USP32: variants seen among roughly 807,000 people sequenced by gnomAD.
USP32 encodes ubiquitin carboxyl-terminal hydrolase 32.
In USP32, 59 loss-of-function variants were observed where a neutral mutation model predicts 204.8. That is an observed-to-expected ratio of 0.29 (90% CI 0.23 to 0.36). The LOEUF (loss-of-function observed/expected upper bound fraction) is 0.36. USP32 is among the 10% of genes least tolerant of loss of function. The probability of loss-of-function intolerance (pLI) is 1.00; values close to 1 mark genes in which losing one functional copy is unlikely to be tolerated. For missense variants in USP32, 1,160 were observed against 1,946.4 expected (o/e 0.60, Z 7.60); for synonymous variants, 517 against 678.4 (o/e 0.76, Z 3.70).
chr17:60,198,547 C>T (rs2084587360), intron 26 of USP32, 103 bp from the exon 27 acceptor site: 1 of 1,353,454 alleles, frequency 7.4e-7, no homozygotes, highest in Non-Finnish European at 1.0e-6. Flanking sequence ...ATCACCATTT[C>T]AAATCAGTCA....
intron 1 of USP32, among the ~76,000 whole-genome samples, chr17:60,361,206 T>G (rs2089200101): frequency 6.6e-6 from 1 of 151,984 alleles, no homozygotes; most frequent in African/African-American, 2.4e-5. Flanking sequence ...CCTACTTACT[T>G]CCTCCCCTCA....
intron 1 of USP32, among the ~76,000 whole-genome samples, chr17:60,378,493 AC>A (rs1480210302): frequency 6.6e-6 from 1 of 152,184 alleles, no homozygotes; most frequent in Admixed American, 6.5e-5. Flanking sequence ...ATATTTGTAC[AC>A]CAATGTTCAC....
intron 2 of USP32, among the ~76,000 whole-genome samples, chr17:60,325,166 C>G (rs1567852908): frequency 6.6e-6 from 1 of 152,202 alleles, no homozygotes; most frequent in East Asian, 1.9e-4. Flanking sequence ...GTAATCCCAG[C>G]ATTTTGGGAG....
In USP32 at chr17:60,360,302, C is replaced by T. The variant is rs143162869; in HGVS notation, c.59-14694G>A. 4.6e-3 allele frequency among the ~76,000 whole-genome samples: 705 copies of T among 152,152 alleles called. 10 individuals are homozygous for T. Among genetic ancestry groups the T allele is most frequent in the African/African-American group, 0.015 (621 of 41,524 alleles). ...CAGCCTGGCCACCATGGCAAAACCC[C>T]GTCTCTACTAAAAATACAAAAATTA... On this transcript the variant is annotated intron_variant, in intron 1 of 33. Coordinates refer to ENST00000300896, the MANE Select transcript of USP32 (RefSeq NM_032582.4).
rs1018176786 is a variant in USP32 at position 60,228,501 on chromosome 17, C to CT, written c.1240-2271dup. On this transcript the variant is annotated intron_variant, in intron 12 of 33. Transcript: ENST00000300896. Reference sequence around the variant, plus strand: ...TAAATTAGGTTTCTTTTTTCTTTTTCTTTTTTTTTTTTTTTTTAATTAAAA... The same window carrying CT: ...TAAATTAGGTTTCTTTTTTCTTTTTCTTTTTTTTTTTTTTTTTTAATTAAAA... 8.1e-3 allele frequency among the ~76,000 whole-genome samples: 843 copies of CT among 104,094 alleles called. 4 individuals carry two copies. The highest frequency in any genetic ancestry group is 9.7e-3 in the Middle Eastern group (2 of 206). The allele number at this position is 104,094 out of a possible 152,430, so 68.3% of individuals were successfully genotyped here. A position where few individuals can be genotyped will look rare whatever the true frequency, so the allele number is the denominator to read the frequency against.
At chr17:60,190,709 A>C in intron 28 of USP32, 26 bp from the exon 29 acceptor site, 2 of 1,576,472 alleles carry the variant, frequency 1.3e-6, no homozygotes, top group Non-Finnish European at 1.7e-6. Context: ...AGATCCACAG[A>C]GGAAGAAATA....
chr17:60,413,209 T>A (rs899967744), intron 1 of USP32, among the ~76,000 whole-genome samples: 2 of 152,182 alleles, frequency 1.3e-5, no homozygotes, highest in African/African-American at 4.8e-5. Context: ...GTGTTCTGTA[T>A]CCTGCCAGTG....
At chr17:60,403,623 CTTAG>C (rs919689973) in intron 1 of USP32, among the ~76,000 whole-genome samples, 11 of 152,118 alleles carry the variant, frequency 7.2e-5, no homozygotes, top group African/African-American at 2.2e-4. Context: ...AACACCTGCT[CTTAG>C]TTAGTATACA....
Position 60,382,158 on chromosome 17 carries a change from C to G in USP32, c.58+9724G>C, listed in dbSNP as rs183302435. Among the ~76,000 whole-genome samples, 120 of 152,218 alleles carry G rather than the reference C, an allele frequency of 7.9e-4. 1 individual carries two copies. The highest frequency in any genetic ancestry group is 9.4e-4 in the Non-Finnish European group (64 of 68,032). On this transcript the variant is annotated intron_variant, in intron 1 of 33. Transcript: ENST00000300896. ...GCAAACTGCCATGTATCTTTCCCCT[C>G]GAACTACCTGCCTTGCCAGATCCTT...
At chr17:60,345,968 C>A (rs531053773) in intron 1 of USP32, among the ~76,000 whole-genome samples, 1 of 150,154 alleles carries the variant, frequency 6.7e-6, no homozygotes, top group Admixed American at 6.6e-5. Flanking sequence ...GACAACAGAG[C>A]GAAACTCTGT....
intron 13 of USP32, among the ~76,000 whole-genome samples, chr17:60,225,370 T>C (rs1029075367): frequency 6.6e-6 from 1 of 151,980 alleles, no homozygotes; most frequent in Non-Finnish European, 1.5e-5. Flanking sequence ...GGTGGGAGAA[T>C]TGCTTGGGGC....
At chr17:60,306,630 T>C (rs2087730658) in intron 2 of USP32, among the ~76,000 whole-genome samples, 1 of 150,198 alleles carries the variant, frequency 6.7e-6, no homozygotes, top group Non-Finnish European at 1.5e-5. Flanking sequence ...AGAGCAAGAC[T>C]CCGTCTCGAA....
intron 1 of USP32, among the ~76,000 whole-genome samples, chr17:60,354,061 G>T (rs1013135968): frequency 6.6e-6 from 1 of 152,148 alleles, no homozygotes; most frequent in African/African-American, 2.4e-5. Flanking sequence ...TGAAATGCAT[G>T]AAATTAAATC....
intron 5 of USP32, among the ~76,000 whole-genome samples, chr17:60,274,090 A>G (rs947704069): frequency 2.0e-5 from 3 of 152,076 alleles, no homozygotes; most frequent in East Asian, 3.8e-4. Context: ...AAACATGCCT[A>G]TACTAAGGAA....
chr17:60,324,304 T>A (rs921477089), intron 2 of USP32, among the ~76,000 whole-genome samples: 2 of 144,876 alleles, frequency 1.4e-5, no homozygotes, highest in South Asian at 4.3e-4. Flanking sequence ...ATATATATAT[T>A]TTAATTAAAA....
chr17:60,226,207 G>C lies in USP32; in HGVS notation c.1264C>G (p.Pro422Ala), dbSNP rs1278146754. ...KYDANPVVIE[P>A]SSVLNGGKYS... ...TTTCCTCCATTCAAAACAGATGATG[G>C]CTCAATTACCACAGGGTTGGCATCC... The change falls in exon 13 of 34, where the codon CCA becomes GCA. Residue 422 changes from proline (P) to alanine (A), a missense_variant. Transcript: ENST00000300896. 4 of 1,556,240 alleles carry C rather than the reference G, an allele frequency of 2.6e-6. No homozygotes were observed. Among genetic ancestry groups the C allele is most frequent in the Non-Finnish European group, 3.5e-6 (4 of 1,158,990 alleles).
chr17:60,236,227 G>T lies in USP32; in HGVS notation c.1150C>A (p.Arg384=). The change falls in exon 12 of 34, where the codon CGA becomes AGA. Residue 384 remains arginine, a synonymous_variant. Transcript: ENST00000300896. ...EGQIIRGWLE[R]ESRYGLQAGH... is the part of the protein sequence containing the mutation. ...GCTTGCAGACCATACCTGCTCTCTC[G>T]TTCTAACCATCCTCTGTATGTACAA... 6.2e-7 allele frequency: 1 copy of T among 1,613,592 alleles called. No individual in the cohort carries two copies. Among genetic ancestry groups the T allele is most frequent in the Admixed American group, 1.7e-5 (1 of 59,992 alleles).
chr17:60,231,759 C>T (rs141563795), intron 12 of USP32: 1 of 314,732 alleles, frequency 3.2e-6, no homozygotes, highest in African/African-American at 2.1e-5. Context: ...AAGGAAGATA[C>T]ACATTATGTA....
At chr17:60,210,408 T>C (rs949408171) in intron 21 of USP32, among the ~76,000 whole-genome samples, 11 of 151,922 alleles carry the variant, frequency 7.2e-5, no homozygotes, top group Non-Finnish European at 1.5e-4. Context: ...ACCTCCCAGG[T>C]TCAAGCGTTT....
Sources: gnomAD v4.1 joint callset for allele counts (sites outside exome capture counted in the v4.1 genomes callset) on GRCh38, gnomAD v4.1.1 for gene constraint, MANE v1.5 for transcripts, NCBI Gene and HGNC (gene_info 2026-07-23, HGNC 2026-07-21) for gene names.